Variants in PRTG observed in about 807,000 individuals in gnomAD.
The protein encoded by PRTG is immunoglobulin superfamily, DCC subclass, member 5.
In PRTG, 67 loss-of-function variants were observed where a neutral mutation model predicts 122.5. The ratio of observed to expected loss-of-function variants is 0.55; its 90% confidence interval spans 0.45 to 0.67. The LOEUF is 0.67. Ranked by LOEUF, PRTG falls within the 30% of genes least tolerant of loss-of-function variation. PRTG has a pLI of 0.00. For missense variants in PRTG, 1,435 were observed against 1,415.4 expected (o/e 1.01, Z -0.22); for synonymous variants, 554 against 501.1 (o/e 1.11, Z -1.41).
intron 2 of PRTG, among the ~76,000 whole-genome samples, chr15:55,731,366 C>CT (rs10658460): frequency 0.16 from 16,290 of 103,764 alleles, 1,975 homozygotes; most frequent in African/African-American, 0.3. Flanking sequence ...CCTTATCATT[C>CT]TTTTTTTTTT....
chr15:55,673,279 C>T (rs1218263779), intron 10 of PRTG, 92 bp downstream of exon 10: 2 of 976,118 alleles, frequency 2.0e-6, no homozygotes, highest in Non-Finnish European at 1.5e-6. Context: ...ATTTGTAAAA[C>T]AAAATTTAAA....
chr15:55,678,112 T>C, intron 7 of PRTG, 68 bp from the exon 8 acceptor site: 1 of 899,254 alleles, frequency 1.1e-6, no homozygotes, highest in Middle Eastern at 2.7e-4. Context: ...AGTTTAGCTA[T>C]TGCTAAATAT....
At chr15:55,719,767 C>T (rs1223257549) in intron 2 of PRTG, among the ~76,000 whole-genome samples, 1 of 152,190 alleles carries the variant, frequency 6.6e-6, no homozygotes, top group South Asian at 2.1e-4. Context: ...GTCTTAAAAA[C>T]CGTGGGTTTG....
chr15:55,727,532 A>G (rs1451298357), intron 2 of PRTG, among the ~76,000 whole-genome samples: 1 of 152,198 alleles, frequency 6.6e-6, no homozygotes, highest in Non-Finnish European at 1.5e-5. Flanking sequence ...ATGGTGGCTC[A>G]CGCCTGTAAT....
At chr15:55,736,972 C>T (rs1265279973) in intron 2 of PRTG, among the ~76,000 whole-genome samples, 2 of 152,174 alleles carry the variant, frequency 1.3e-5, no homozygotes, top group African/African-American at 4.8e-5. Flanking sequence ...CTTGTTGAAA[C>T]GTGAGACCAT....
intron 2 of PRTG, among the ~76,000 whole-genome samples, chr15:55,715,850 A>G (rs1315681093): frequency 1.3e-5 from 2 of 152,254 alleles, no homozygotes; most frequent in African/African-American, 4.8e-5. Context: ...GAAACCTAAG[A>G]GAAACTTTGT....
intron 2 of PRTG, among the ~76,000 whole-genome samples, chr15:55,728,604 A>G (rs750784397): frequency 2.0e-5 from 3 of 152,214 alleles, no homozygotes; most frequent in Admixed American, 6.5e-5. Flanking sequence ...AAATTTCTCA[A>G]CATGATAAAG....
At chr15:55,710,685 C>G (rs1567110346) in intron 2 of PRTG, among the ~76,000 whole-genome samples, 1 of 151,008 alleles carries the variant, frequency 6.6e-6, no homozygotes, top group East Asian at 1.9e-4. Flanking sequence ...CTCTAAAAGC[C>G]TTCTCTATAA....
chr15:55,720,885 G>A (rs1393800272), intron 2 of PRTG, among the ~76,000 whole-genome samples: 1 of 152,016 alleles, frequency 6.6e-6, no homozygotes, highest in African/African-American at 2.4e-5. Flanking sequence ...GGCTGCATGC[G>A]GGTTGGACAA....
At chr15:55,735,122 T>C (rs1595686538) in intron 2 of PRTG, among the ~76,000 whole-genome samples, 1 of 152,308 alleles carries the variant, frequency 6.6e-6, no homozygotes, top group East Asian at 1.9e-4. Flanking sequence ...ATTAAAATAG[T>C]CTTGACTGAC....
At chr15:55,699,613 T>C (rs1431720252) in intron 2 of PRTG, among the ~76,000 whole-genome samples, 2 of 152,212 alleles carry the variant, frequency 1.3e-5, no homozygotes, top group Non-Finnish European at 2.9e-5. Flanking sequence ...TTCTAGCACA[T>C]AAGGAGGTAA....
Position 55,743,047 on chromosome 15 carries a change from C to T in PRTG, c.-116G>A. Reference sequence around the variant, plus strand: ...GTCGCACGCAGCCTGGCTCCCCGCTCCGGCTCCGGCACCGGCGTGGCGAGC... The same window carrying T: ...GTCGCACGCAGCCTGGCTCCCCGCTTCGGCTCCGGCACCGGCGTGGCGAGC... On this transcript the variant is annotated 5_prime_UTR_variant, in exon 1 of 20. Transcript: ENST00000389286. The T allele has an allele frequency of 1.5e-6, 2 of 1,309,286 alleles. No individual in the cohort carries two copies. The highest frequency in any genetic ancestry group is 1.9e-6 in the Non-Finnish European group (2 of 1,033,702). 81.1% of individuals were successfully genotyped at this position (1,309,286 alleles called of 1,614,324 possible).
chr15:55,615,328 A>T lies in PRTG; in HGVS notation c.*4684T>A, dbSNP rs957931655. On this transcript the variant is annotated 3_prime_UTR_variant, in exon 20 of 20. Coordinates refer to ENST00000389286, the MANE Select transcript of PRTG (RefSeq NM_173814.6). The stretch of plus-strand genomic sequence containing the variant: ...CACCACCTTCATGGTAATGTGTTAC[A>T]GCAGCAATAGGAAAAATAATACAGT... 6.6e-6 allele frequency: 1 copy of T among 152,160 alleles called. No individual in the cohort carries two copies. The highest frequency in any genetic ancestry group is 6.6e-5 in the Admixed American group (1 of 15,262). The allele number at this position is 152,160 out of a possible 1,614,324, so 9.4% of individuals were successfully genotyped here.
intron 11 of PRTG, among the ~76,000 whole-genome samples, chr15:55,641,954 C>T (rs1329052041): frequency 6.6e-6 from 1 of 151,206 alleles, no homozygotes; most frequent in Non-Finnish European, 1.5e-5. Flanking sequence ...GCGGGTGGAT[C>T]ATGAGGTCAG....
chr15:55,690,065 A>G (rs2059592345), intron 2 of PRTG, among the ~76,000 whole-genome samples: 1 of 152,264 alleles, frequency 6.6e-6, no homozygotes, highest in Admixed American at 6.5e-5. Flanking sequence ...GATATACAGT[A>G]TAACTGACAC....
At chr15:55,740,361 A>T in intron 2 of PRTG, 21 bp downstream of exon 2, 1 of 1,557,584 alleles carries the variant, frequency 6.4e-7, no homozygotes. Context: ...AATGTCAACA[A>T]CTAAAAACTT....
At chr15:55,695,948 G>C (rs1442151203) in intron 2 of PRTG, among the ~76,000 whole-genome samples, 2 of 151,956 alleles carry the variant, frequency 1.3e-5, no homozygotes, top group East Asian at 1.9e-4. Context: ...TCCAACCTTG[G>C]TGACAGTGTG....
chr15:55,695,967 T>A (rs191000699), intron 2 of PRTG, among the ~76,000 whole-genome samples: 19 of 151,868 alleles, frequency 1.3e-4, no homozygotes, highest in Admixed American at 3.3e-4. Flanking sequence ...TGAGACCCCA[T>A]CTCAAAACAA....
intron 2 of PRTG, chr15:55,738,195 TCAC>T (rs146506172): frequency 0.03 from 7,771 of 261,484 alleles, 141 homozygotes; most frequent in Non-Finnish European, 0.043. Context: ...TATAAAAACT[TCAC>T]CACAACTGTC....
Sources: gnomAD v4.1 joint callset for allele counts (sites outside exome capture counted in the v4.1 genomes callset) on GRCh38, gnomAD v4.1.1 for gene constraint, MANE v1.5 for transcripts, NCBI Gene and HGNC (gene_info 2026-07-23, HGNC 2026-07-21) for gene names.